CYP2C19: variants seen among roughly 807,000 people sequenced by gnomAD.
CYP2C19 encodes cytochrome P450 family 2 subfamily C member 19, also known as cytochrome P450 2C19.
CYP2C19 carries 59 observed loss-of-function variants against 40.9 expected under a neutral mutation model. The ratio of observed to expected loss-of-function variants is 1.44; its 90% CI spans 1.17 to 1.79. CYP2C19 has a LOEUF of 1.79. Among genes scored for constraint, CYP2C19 ranks in the 40% most tolerant of loss-of-function variants. CYP2C19 has a pLI of 0.00. For missense variants in CYP2C19, 754 were observed against 596.9 expected (o/e 1.26, Z -2.74); for synonymous variants, 253 against 208.7 (o/e 1.21, Z -1.83).
intron 8 of CYP2C19, among the ~76,000 whole-genome samples, chr10:94,850,290 A>T (rs372261347): frequency 4.6e-5 from 7 of 152,232 alleles, no homozygotes; most frequent in African/African-American, 1.7e-4. Flanking sequence ...GCTGAAGTAT[A>T]GGTTGGTTGA....
chr10:94,830,481 C>T (rs1270187431), intron 6 of CYP2C19, among the ~76,000 whole-genome samples: 4 of 152,230 alleles, frequency 2.6e-5, no homozygotes, highest in Non-Finnish European at 5.9e-5. Context: ...CCTTGCACTT[C>T]CCAAGTGAGG....
intron 6 of CYP2C19, 89 bp from the exon 7 acceptor site, chr10:94,842,748 C>T (rs1441912845): frequency 1.5e-6 from 2 of 1,378,954 alleles, no homozygotes; most frequent in Non-Finnish European, 2.1e-6. Context: ...TGTTTGGATA[C>T]CTTCATCATG....
intron 6 of CYP2C19, among the ~76,000 whole-genome samples, chr10:94,824,532 A>G (rs1396157995): frequency 1.1e-4 from 16 of 152,202 alleles, no homozygotes; most frequent in Admixed American, 1.0e-3. Flanking sequence ...AGTTATATAT[A>G]TGCGTAAATC....
intron 5 of CYP2C19, among the ~76,000 whole-genome samples, chr10:94,809,630 T>A (rs1020993366): frequency 7.2e-5 from 11 of 151,968 alleles, no homozygotes; most frequent in African/African-American, 2.7e-4. Flanking sequence ...AGAGAGGGCA[T>A]CCTTGTCTTG....
rs191674053 is a variant in CYP2C19 at position 94,797,718 on chromosome 10, G to A, written c.819+15721G>A. ...TCAAATTCTTCCTGGTTTAGTCTTG[G>A]GAGGGTGTATTTGTTCAGGAATTTA... On this transcript the variant is annotated intron_variant, in intron 5 of 8. Transcript: ENST00000371321. Among the ~76,000 whole-genome samples, 316 of 152,068 alleles carry A rather than the reference G, an allele frequency of 2.1e-3. 1 individual carries two copies. Among genetic ancestry groups the A allele is most frequent in the Non-Finnish European group, 3.6e-3 (247 of 68,004 alleles).
At chr10:94,849,763 T>A (rs1453731660) in intron 7 of CYP2C19, among the ~76,000 whole-genome samples, 154 bp from the exon 8 acceptor site, 1 of 151,700 alleles carries the variant, frequency 6.6e-6, no homozygotes, top group Non-Finnish European at 1.5e-5. Context: ...ATGCCTCTTA[T>A]TACTTCGTCT....
At chr10:94,777,235 T>C (rs1357198234) in intron 3 of CYP2C19, among the ~76,000 whole-genome samples, 1 of 152,160 alleles carries the variant, frequency 6.6e-6, no homozygotes, top group African/African-American at 2.4e-5. Flanking sequence ...CCAAAAGTAA[T>C]TTATAGGTTC....
intron 3 of CYP2C19, among the ~76,000 whole-genome samples, chr10:94,777,575 G>A (rs1304237874): frequency 6.6e-6 from 1 of 152,120 alleles, no homozygotes; most frequent in South Asian, 2.1e-4. Flanking sequence ...TTAATAAATG[G>A]TGTTGGACAA....
chr10:94,829,928 T>A (rs961017283), intron 6 of CYP2C19, among the ~76,000 whole-genome samples: 1 of 152,180 alleles, frequency 6.6e-6, no homozygotes, highest in Non-Finnish European at 1.5e-5. Flanking sequence ...GAGGTGTCAG[T>A]GTGCCCCTGC....
chr10:94,818,131 A>G lies in CYP2C19; in HGVS notation c.820-2365A>G, dbSNP rs1465341687. Among the ~76,000 whole-genome samples the G allele has an allele frequency of 2.7e-3, 401 of 148,342 alleles. 1 individual carries two copies. Among genetic ancestry groups the G allele is most frequent in the African/African-American group, 9.5e-3 (379 of 40,068 alleles). ...ATGGCTAGCCAGTTTTCCCAGCACC[A>G]TTTATTAAATAGGGAATCCTTTCCC... On this transcript the variant is annotated intron_variant, in intron 5 of 8. Coordinates refer to ENST00000371321, the MANE Select transcript of CYP2C19 (RefSeq NM_000769.4).
At chr10:94,833,931 T>C (rs982096548) in intron 6 of CYP2C19, among the ~76,000 whole-genome samples, 1 of 152,212 alleles carries the variant, frequency 6.6e-6, no homozygotes, top group African/African-American at 2.4e-5. Context: ...GTTGCATCAG[T>C]ATTCATCAGG....
At chr10:94,828,335 A>G (rs1360531650) in intron 6 of CYP2C19, among the ~76,000 whole-genome samples, 1 of 151,398 alleles carries the variant, frequency 6.6e-6, no homozygotes, top group Non-Finnish European at 1.5e-5. Context: ...TGCTTTATGA[A>G]TCTTGGTGCT....
intron 5 of CYP2C19, 117 bp downstream of exon 5, chr10:94,782,114 T>G (rs1361994447): frequency 1.3e-6 from 1 of 765,844 alleles, no homozygotes; most frequent in Non-Finnish European, 2.0e-6. Context: ...GAGAAGCATA[T>G]TTAAGTTTTT....
intron 7 of CYP2C19, 112 bp downstream of exon 7, chr10:94,843,136 A>G (rs1184245181): frequency 9.0e-6 from 12 of 1,334,474 alleles, no homozygotes; most frequent in African/African-American, 1.4e-5. Flanking sequence ...ACTCCTATGT[A>G]TGGCAGTTTA....
Position 94,853,146 on chromosome 10 carries a change from C to G in CYP2C19, c.*232C>G, listed in dbSNP as rs1248076513. On this transcript the variant is annotated 3_prime_UTR_variant, in exon 9 of 9. Coordinates refer to ENST00000371321, the MANE Select transcript of CYP2C19 (RefSeq NM_000769.4). ...AGTGCCACATAATGCTGATACTTGT[C>G]TAATGTTGAGTTATTAACATATTAT... 1 of 534,420 alleles carries G rather than the reference C, an allele frequency of 1.9e-6. No individual in the cohort carries two copies. Among genetic ancestry groups the G allele is most frequent in the Non-Finnish European group, 3.3e-6 (1 of 305,024 alleles). 33.1% of individuals were successfully genotyped at this position (534,420 alleles called of 1,614,324 possible).
At chr10:94,771,210 C>A (rs189653306) in intron 1 of CYP2C19, among the ~76,000 whole-genome samples, 391 of 152,144 alleles carry the variant, frequency 2.6e-3, no homozygotes, top group Non-Finnish European at 3.5e-3. Context: ...GGGGGCATAA[C>A]TGATAGCCCG....
At chr10:94,774,966 T>C in intron 1 of CYP2C19, 92 bp from the exon 2 acceptor site, 1 of 1,361,432 alleles carries the variant, frequency 7.3e-7, no homozygotes, top group Non-Finnish European at 1.0e-6. Context: ...AATAAAAGCA[T>C]ACAAATACAA....
intron 7 of CYP2C19, among the ~76,000 whole-genome samples, chr10:94,843,554 T>C (rs931196547): frequency 1.2e-4 from 18 of 152,240 alleles, no homozygotes; most frequent in African/African-American, 4.3e-4. Flanking sequence ...AAATGCCTTT[T>C]GATTTCTTTG....
At chr10:94,821,063 A>G (rs1017753161) in intron 6 of CYP2C19, among the ~76,000 whole-genome samples, 1 of 152,144 alleles carries the variant, frequency 6.6e-6, no homozygotes. Context: ...AGCCTGGGTG[A>G]CAGAGTGGGA....
Sources: allele counts gnomAD v4.1 joint callset (sites outside exome capture counted in the v4.1 genomes callset), GRCh38; gene constraint gnomAD v4.1.1; transcripts MANE v1.5; gene names NCBI Gene and HGNC (gene_info 2026-07-23, HGNC 2026-07-21).